WDFY3: variants seen among roughly 807,000 people sequenced by gnomAD.
The protein encoded by WDFY3 is WD repeat and FYVE domain containing 3.
In WDFY3, 66 loss-of-function variants were observed where a neutral mutation model predicts 409.6. That is an observed-to-expected ratio of 0.16 (90% confidence interval 0.13 to 0.20). The LOEUF is 0.20. WDFY3 is among the 10% of genes least tolerant of loss of function. WDFY3 has a pLI of 1.00. For missense variants in WDFY3, 3,031 were observed against 4,298.1 expected (o/e 0.71, Z 8.24); for synonymous variants, 1,521 against 1,537.1 (o/e 0.99, Z 0.25).
intron 50 of WDFY3, among the ~76,000 whole-genome samples, 174 bp from the exon 51 acceptor site, chr4:84,713,413 A>C (rs986830903): frequency 4.6e-5 from 7 of 152,218 alleles, no homozygotes; most frequent in Non-Finnish European, 1.0e-4. Context: ...AAGAGGAAAT[A>C]ATTTCTTAGC....
chr4:84,707,966 A>G (rs1441660253), intron 53 of WDFY3, among the ~76,000 whole-genome samples: 1 of 152,198 alleles, frequency 6.6e-6, no homozygotes, highest in African/African-American at 2.4e-5. Flanking sequence ...AATTTCTGAA[A>G]GGATAAGCAG....
At chr4:84,773,327 T>C (rs969704941) in intron 29 of WDFY3, among the ~76,000 whole-genome samples, 1 of 152,228 alleles carries the variant, frequency 6.6e-6, no homozygotes, top group African/African-American at 2.4e-5. Flanking sequence ...CTTCGAAATA[T>C]GAATTCTTTA....
intron 67 of WDFY3, 55 bp from the exon 68 acceptor site, chr4:84,673,046 G>T: frequency 6.2e-7 from 1 of 1,604,976 alleles, no homozygotes. Flanking sequence ...TTGATCATGG[G>T]CACCGGAAAC....
rs570679202 is a variant in WDFY3, at chr4:84,732,132, T to C, written c.7221+1250A>G. Among the ~76,000 whole-genome samples, 19 of 152,314 alleles carry C rather than the reference T, an allele frequency of 1.2e-4. No homozygotes were observed. The South Asian group carries it at 3.7e-3, about 30-fold the overall frequency. ...AAATTATAGTGCTTTAAGGCACAGCTGCATCAAGTATGGCATTCTTGGCAG... is the reference window on the plus strand; with the variant it reads ...AAATTATAGTGCTTTAAGGCACAGCCGCATCAAGTATGGCATTCTTGGCAG... On this transcript the variant is annotated intron_variant, in intron 44 of 67. Coordinates refer to ENST00000295888, the MANE Select transcript of WDFY3 (RefSeq NM_014991.6).
chr4:84,705,550 C>T (rs1167430813), intron 53 of WDFY3, 39 bp from the exon 54 acceptor site: 2 of 1,481,980 alleles, frequency 1.3e-6, no homozygotes. Flanking sequence ...AGTTACTATA[C>T]ACTATCTAGC....
At chr4:84,905,921 A>G (rs1049185440) in intron 2 of WDFY3, among the ~76,000 whole-genome samples, 2 of 152,160 alleles carry the variant, frequency 1.3e-5, no homozygotes, top group African/African-American at 4.8e-5. Flanking sequence ...CTCTCTTGAC[A>G]AGCCTTTTCT....
chr4:84,816,680 G>A (rs1035121389), intron 13 of WDFY3, among the ~76,000 whole-genome samples: 1 of 151,978 alleles, frequency 6.6e-6, no homozygotes, highest in Admixed American at 6.6e-5. Context: ...TGAAACATTC[G>A]ATTATAGTTT....
At position 84,691,647 on chromosome 4, in the gene WDFY3, G is replaced by T; in HGVS notation, c.9188C>A (p.Thr3063Asn). ...GYADLSCRLG[T>N]YESDKAMTVY... Reference sequence around the variant, plus strand: ...AATGCAAACCTTGTCTGACTCATAGGTTCCCAGTCTGCAACTGAGGTCTGC... The same window carrying T: ...AATGCAAACCTTGTCTGACTCATAGTTTCCCAGTCTGCAACTGAGGTCTGC... The change falls in exon 60 of 68, where the codon ACC becomes AAC. Residue 3063 changes from threonine (T) to asparagine (N), a missense_variant. By Grantham distance (65) the Thr-to-Asn change is moderately conservative. This residue lies in a region of WDFY3 where 152 missense variants were observed against 193.5 expected (regional missense o/e 0.79). Coordinates refer to ENST00000295888, the MANE Select transcript of WDFY3 (RefSeq NM_014991.6). 6.2e-7 allele frequency: 1 copy of T among 1,613,762 alleles called. No individual in the cohort carries two copies. The highest frequency in any genetic ancestry group is 8.5e-7 in the Non-Finnish European group (1 of 1,179,842).
intron 1 of WDFY3, among the ~76,000 whole-genome samples, chr4:84,951,733 T>C (rs147650875): frequency 6.6e-6 from 1 of 152,336 alleles, no homozygotes; most frequent in East Asian, 1.9e-4. Context: ...ATTAAAATAG[T>C]GCTTGCCAAA....
chr4:84,889,480 T>C (rs1764653713), intron 3 of WDFY3, among the ~76,000 whole-genome samples: 1 of 152,134 alleles, frequency 6.6e-6, no homozygotes, highest in African/African-American at 2.4e-5. Context: ...AATGTTTAAA[T>C]AGTCTCAATA....
chr4:84,911,043 C>CA (rs1319335168), intron 2 of WDFY3, among the ~76,000 whole-genome samples: 1 of 151,876 alleles, frequency 6.6e-6, no homozygotes, highest in Non-Finnish European at 1.5e-5. Context: ...AATATGACAC[C>CA]AAAACCACAG....
intron 16 of WDFY3, among the ~76,000 whole-genome samples, chr4:84,803,027 A>G (rs1029829705): frequency 6.6e-6 from 1 of 152,224 alleles, no homozygotes; most frequent in African/African-American, 2.4e-5. Context: ...AGCAGGATTT[A>G]TAAGGAGAAA....
chr4:84,819,649 C>T (rs1338882319), intron 12 of WDFY3, among the ~76,000 whole-genome samples: 2 of 151,938 alleles, frequency 1.3e-5, no homozygotes, highest in South Asian at 2.1e-4. Flanking sequence ...AGTTAATTAA[C>T]CTTGGAGAGA....
chr4:84,795,631 G>A (rs926761031), intron 19 of WDFY3, among the ~76,000 whole-genome samples: 2 of 151,998 alleles, frequency 1.3e-5, no homozygotes, highest in Non-Finnish European at 2.9e-5. Context: ...GCGCGGTGGC[G>A]TGCGCCCATA....
intron 13 of WDFY3, among the ~76,000 whole-genome samples, chr4:84,815,168 G>C (rs142294802): frequency 2.1e-3 from 316 of 152,138 alleles, no homozygotes; most frequent in Middle Eastern, 0.02. Flanking sequence ...GGGTCACAAG[G>C]GCCTTGGAAG....
chr4:84,884,919 C>T (rs376630570), intron 3 of WDFY3, among the ~76,000 whole-genome samples: 59 of 152,244 alleles, frequency 3.9e-4, no homozygotes, highest in African/African-American at 1.0e-3. Context: ...AAGTCACATA[C>T]GGAGGTGCGT....
At chr4:84,755,184 T>C in intron 34 of WDFY3, 82 bp downstream of exon 34, 5 of 1,563,572 alleles carry the variant, frequency 3.2e-6, no homozygotes, top group Non-Finnish European at 4.3e-6. Context: ...GTAGTTATGT[T>C]ACCAAAAAAT....
rs751235341 is a variant in WDFY3 at position 84,735,055 on chromosome 4, T to C, written c.6981A>G (p.Lys2327=). 12 of 1,612,636 alleles carry C rather than the reference T, an allele frequency of 7.4e-6. No homozygotes were observed. In the Admixed American group the frequency reaches 2.0e-4, roughly 27 times the overall value. ...TATAAGTCCTTACCTCCTGATATTC[T>C]TTATATTGTGTATCTACTAAGTCAC... ...VVRDLVDTQY[K]EYQERQQNAL... Residue 2327 remains lysine (K), a synonymous_variant, in exon 43 of 68, where the codon AAA becomes AAG. Transcript: ENST00000295888.
intron 2 of WDFY3, among the ~76,000 whole-genome samples, chr4:84,906,013 T>C (rs1766995940): frequency 6.6e-6 from 1 of 152,180 alleles, no homozygotes; most frequent in Non-Finnish European, 1.5e-5. Flanking sequence ...CTTAACATCA[T>C]TGGAAAATAT....
Sources: gnomAD v4.1 joint callset for allele counts (sites outside exome capture counted in the v4.1 genomes callset) on GRCh38, gnomAD v4.1.1 for gene constraint, gnomAD v4.1.1 regional missense constraint, MANE v1.5 for transcripts, NCBI Gene and HGNC (gene_info 2026-07-23, HGNC 2026-07-21) for gene names.